The following NELL2 variants were observed in gnomAD, a reference collection of about 807,000 sequenced individuals.
The protein encoded by NELL2 is protein kinase C-binding protein NELL2.
In NELL2, 41 loss-of-function variants were observed where a neutral mutation model predicts 109.6. That is an observed-to-expected ratio of 0.37 (90% CI 0.29 to 0.49). The LOEUF (loss-of-function observed/expected upper bound fraction) is 0.49, where lower values mean the gene tolerates loss of function less well. NELL2 is among the 20% of genes least tolerant of loss of function. The pLI is 0.98. For synonymous variants in NELL2, 355 were observed against 344.7 expected (o/e 1.03, Z -0.33); for missense variants, 900 against 1,008.3 (o/e 0.89, Z 1.45).
chr12:44,760,098 C>G (rs1377731519), intron 9 of NELL2, among the ~76,000 whole-genome samples: 1 of 152,132 alleles, frequency 6.6e-6, no homozygotes, highest in Non-Finnish European at 1.5e-5. Flanking sequence ...TGCTTGACTC[C>G]TTGCCTCCTC....
At chr12:44,841,679 A>G (rs1044858845) in intron 2 of NELL2, among the ~76,000 whole-genome samples, 1 of 152,176 alleles carries the variant, frequency 6.6e-6, no homozygotes, top group African/African-American at 2.4e-5. Flanking sequence ...GCTAAGGTGT[A>G]TATGTGTAGT....
chr12:44,787,162 A>C (rs939564879), intron 3 of NELL2, among the ~76,000 whole-genome samples: 1 of 152,206 alleles, frequency 6.6e-6, no homozygotes, highest in African/African-American at 2.4e-5. Context: ...TTAAAAATAC[A>C]ATATAATTTA....
intron 3 of NELL2, among the ~76,000 whole-genome samples, chr12:44,784,327 A>G (rs780720005): frequency 3.0e-4 from 46 of 152,194 alleles, no homozygotes; most frequent in Non-Finnish European, 5.1e-4. Flanking sequence ...AAGAAGAGAA[A>G]AGAAAAGAAA....
upstream of NELL2, among the ~76,000 whole-genome samples, chr12:44,878,952 T>A (rs1566586537): frequency 6.6e-6 from 1 of 152,194 alleles, no homozygotes; most frequent in Non-Finnish European, 1.5e-5. Flanking sequence ...AGGTTGCAGA[T>A]GGAATTAAGA....
chr12:44,909,223 T>A (rs1945752766), intron 1 of NELL2, among the ~76,000 whole-genome samples: 1 of 151,936 alleles, frequency 6.6e-6, no homozygotes. Context: ...ATAAATAACT[T>A]CAGTAAAGTT....
intron 9 of NELL2, among the ~76,000 whole-genome samples, chr12:44,719,095 A>C (rs992456737): frequency 6.6e-6 from 1 of 152,224 alleles, no homozygotes; most frequent in African/African-American, 2.4e-5. Flanking sequence ...AAATCAATTA[A>C]TAAAAATTAT....
At chr12:44,705,833 T>C (rs1231357377) in intron 11 of NELL2, among the ~76,000 whole-genome samples, 1 of 152,250 alleles carries the variant, frequency 6.6e-6, no homozygotes, top group Non-Finnish European at 1.5e-5. Context: ...CTGTACTGTT[T>C]CAAACAACTT....
chr12:44,618,197 T>C (rs1945910283), intron 13 of NELL2, among the ~76,000 whole-genome samples: 1 of 152,206 alleles, frequency 6.6e-6, no homozygotes, highest in African/African-American at 2.4e-5. Flanking sequence ...GCAAATTCTC[T>C]AAAAGTCATT....
chr12:44,518,367 C>T (rs1941370560), intron 19 of NELL2, among the ~76,000 whole-genome samples: 1 of 152,028 alleles, frequency 6.6e-6, no homozygotes, highest in African/African-American at 2.4e-5. Flanking sequence ...ACCTCAGCCT[C>T]CTGAGTAGCT....
intron 15 of NELL2, among the ~76,000 whole-genome samples, chr12:44,579,930 T>C (rs1215984906): frequency 6.6e-6 from 1 of 152,222 alleles, no homozygotes; most frequent in Non-Finnish European, 1.5e-5. Context: ...ATGTATTCTG[T>C]AGCTCTATGA....
intron 15 of NELL2, among the ~76,000 whole-genome samples, chr12:44,596,130 C>T (rs1944955240): frequency 6.6e-6 from 1 of 152,180 alleles, no homozygotes; most frequent in African/African-American, 2.4e-5. Flanking sequence ...TGCATTTTGA[C>T]AGTCAGAGGT....
intron 15 of NELL2, among the ~76,000 whole-genome samples, chr12:44,562,994 G>A (rs1415036761): frequency 6.6e-6 from 1 of 152,130 alleles, no homozygotes; most frequent in East Asian, 1.9e-4. Flanking sequence ...CCATAAAAAA[G>A]GATGAGTTCC....
At chr12:44,722,958 G>A (rs1223926936) in intron 9 of NELL2, among the ~76,000 whole-genome samples, 4 of 152,080 alleles carry the variant, frequency 2.6e-5, no homozygotes, top group African/African-American at 9.7e-5. Context: ...GGAGGCCGAG[G>A]TGGGCAGATC....
chr12:44,724,679 C>T (rs1188829547), intron 9 of NELL2, among the ~76,000 whole-genome samples: 3 of 151,900 alleles, frequency 2.0e-5, no homozygotes, highest in East Asian at 3.9e-4. Flanking sequence ...GGCTACACAG[C>T]CCAAAGCAGT....
chr12:44,844,393 G>A (rs1421337302), intron 2 of NELL2, among the ~76,000 whole-genome samples: 2 of 152,158 alleles, frequency 1.3e-5, no homozygotes, highest in Non-Finnish European at 2.9e-5. Context: ...TAACAACATG[G>A]ATGAATCTCA....
intron 9 of NELL2, among the ~76,000 whole-genome samples, chr12:44,758,732 G>A (rs566649903): frequency 1.3e-5 from 2 of 152,248 alleles, no homozygotes; most frequent in Admixed American, 1.3e-4. Flanking sequence ...ATAAAGCTGG[G>A]TTAGAATTTC....
At chr12:44,531,677 AC>A (rs1294794670) in intron 16 of NELL2, among the ~76,000 whole-genome samples, 1 of 152,214 alleles carries the variant, frequency 6.6e-6, no homozygotes, top group African/African-American at 2.4e-5. Context: ...AGGATAAAAA[AC>A]ATCTTATCAT....
In NELL2 at chr12:44,791,099, ATATATATATGTATATATATATG is replaced by A. The variant is rs1280030596; in HGVS notation, c.336-11099_336-11078del. Among the ~76,000 whole-genome samples, 58 of 31,126 alleles carry A rather than the reference ATATATATATGTATATATATATG, an allele frequency of 1.9e-3. 4 individuals carry two copies. The highest frequency in any genetic ancestry group is 2.4e-3 in the Non-Finnish European group (40 of 16,338). The allele number at this position is 31,126 out of a possible 152,430, so 20.4% of individuals were successfully genotyped here. On this transcript the variant is annotated intron_variant, in intron 3 of 19. Coordinates refer to ENST00000429094, the MANE Select transcript of NELL2 (RefSeq NM_001145108.2). ...TATATATACATATATATATATATGT[ATATATATATGTATATATATATG>A]TATATATATATATACACACGCACAC... is the stretch of plus-strand genomic sequence containing the variant.
At chr12:44,600,705 A>C (rs1945186456) in intron 15 of NELL2, among the ~76,000 whole-genome samples, 1 of 152,226 alleles carries the variant, frequency 6.6e-6, no homozygotes, top group South Asian at 2.1e-4. Flanking sequence ...TGAATGGCAG[A>C]AAGCCTCAGC....
Sources: allele counts gnomAD v4.1 joint callset (sites outside exome capture counted in the v4.1 genomes callset), GRCh38; gene constraint gnomAD v4.1.1; transcripts MANE v1.5; gene names NCBI Gene and HGNC (gene_info 2026-07-23, HGNC 2026-07-21).